Variants in ZMYM5 observed in about 807,000 individuals in gnomAD.
ZMYM5 encodes the protein zinc finger MYM-type containing 5.
In ZMYM5, 41 loss-of-function variants were observed where a neutral mutation model predicts 61.8. That is an observed-to-expected ratio of 0.66 (90% CI 0.52 to 0.86). The LOEUF is 0.86. ZMYM5 is among the 40% of genes least tolerant of loss of function. ZMYM5 has a pLI of 0.00. For synonymous variants in ZMYM5, 257 were observed against 276.4 expected, an observed-to-expected ratio of 0.93 and a Z score of 0.70; for missense variants, 706 against 786.7, an observed-to-expected ratio of 0.90 and a Z score of 1.23.
At chr13:19,855,444 A>C (rs1953466759) in intron 2 of ZMYM5, among the ~76,000 whole-genome samples, 1 of 151,530 alleles carries the variant, frequency 6.6e-6, no homozygotes, top group Admixed American at 6.6e-5. Flanking sequence ...TTGTATTTTT[A>C]GTAGAGACGG....
chr13:19,839,109 CCAAA>C (rs1181727709), intron 4 of ZMYM5, 124 bp from the exon 5 acceptor site: 12 of 1,128,324 alleles, frequency 1.1e-5, no homozygotes, highest in African/African-American at 3.1e-5. Context: ...GTGGTTAAGG[CCAAA>C]CACTCTTGAT....
chr13:19,836,876 T>C (rs1054789292), intron 6 of ZMYM5, among the ~76,000 whole-genome samples: 4 of 152,152 alleles, frequency 2.6e-5, no homozygotes, highest in African/African-American at 7.2e-5. Flanking sequence ...AATGGGAAGA[T>C]TGCAATATCA....
intron 5 of ZMYM5, 79 bp downstream of exon 5, chr13:19,838,621 A>G: frequency 6.6e-7 from 1 of 1,511,872 alleles, no homozygotes; most frequent in Non-Finnish European, 9.0e-7. Flanking sequence ...AAATCTATCC[A>G]GCTCTGCAGT....
intron 7 of ZMYM5, among the ~76,000 whole-genome samples, chr13:19,834,988 T>C (rs897371889): frequency 6.8e-5 from 7 of 103,692 alleles, no homozygotes; most frequent in African/African-American, 1.7e-4. Flanking sequence ...CCTGATCATT[T>C]TCTTTCTTTT....
intron 6 of ZMYM5, 70 bp from the exon 7 acceptor site, chr13:19,835,759 C>A: frequency 8.9e-7 from 1 of 1,127,946 alleles, no homozygotes; most frequent in East Asian, 4.9e-5. Flanking sequence ...AATGAGATAA[C>A]TAGTTTCTGC....
chr13:19,836,855 C>T (rs1698956730), intron 6 of ZMYM5, among the ~76,000 whole-genome samples: 1 of 152,134 alleles, frequency 6.6e-6, no homozygotes. Context: ...CATGTTTCTT[C>T]TCTTCTAGGA....
At position 19,835,567 on chromosome 13, in the gene ZMYM5, C is replaced by A. The variant is rs765351405; in HGVS notation, c.1161G>T (p.Met387Ile). 7.3e-7 allele frequency: 1 copy of A among 1,367,676 alleles called. No homozygotes were observed. 84.7% of individuals were successfully genotyped at this position (1,367,676 alleles called of 1,614,324 possible). A position where few individuals can be genotyped will look rare whatever the true frequency, so the allele number is the denominator to read the frequency against. Residue 387 changes from methionine to isoleucine, a missense_variant, in exon 7 of 8, where the codon ATG becomes ATT. Met to Ile is a conservative substitution (Grantham distance 10). Coordinates refer to ENST00000337963, the MANE Select transcript of ZMYM5 (RefSeq NM_001142684.2). ...MNCCEHCGEY[M>I]PSKSTGNNIL... ...TGTTGTTTCCAGTACTCTTACTAGG[C>A]ATGTACTCTCCACAGTGTTCACAGC... is the stretch of plus-strand genomic sequence containing the variant.
intron 2 of ZMYM5, among the ~76,000 whole-genome samples, chr13:19,852,479 T>TA (rs1953351045): frequency 6.6e-6 from 1 of 152,166 alleles, no homozygotes; most frequent in Non-Finnish European, 1.5e-5. Context: ...AGTAACAAAA[T>TA]AATTAAATTA....
In ZMYM5 at chr13:19,853,629, G is replaced by C. The variant is rs995423543; in HGVS notation, c.-10-1439C>G. On this transcript the variant is annotated intron_variant, in intron 2 of 7. Transcript: ENST00000337963. The stretch of plus-strand genomic sequence containing the variant: ...TTTTTTTTCTTTCTTTTTTTTTTTT[G>C]TCCTGTCTCACTCTGTCACTCAGGT... 4.0e-5 allele frequency among the ~76,000 whole-genome samples: 4 copies of C among 99,708 alleles called. No homozygotes were observed. The South Asian group carries it at 1.2e-3, about 30-fold the overall frequency. The allele number at this position is 99,708 out of a possible 152,430, so 65.4% of individuals were successfully genotyped here. A position where few individuals can be genotyped will look rare whatever the true frequency, so the allele number is the denominator to read the frequency against.
chr13:19,860,796 A>G (rs1419513016), intron 2 of ZMYM5, among the ~76,000 whole-genome samples: 1 of 151,924 alleles, frequency 6.6e-6, no homozygotes, highest in African/African-American at 2.4e-5. Context: ...AAAAAGGAAA[A>G]ATTCAGCAAT....
chr13:19,831,864 T>C (rs1210716395), intron 7 of ZMYM5, among the ~76,000 whole-genome samples: 1 of 150,432 alleles, frequency 6.6e-6, no homozygotes, highest in Non-Finnish European at 1.5e-5. Context: ...ATATTTCTTC[T>C]TTTGTTTTTG....
chr13:19,825,550 G>C (rs1318228773), intron 7 of ZMYM5, among the ~76,000 whole-genome samples: 1 of 152,196 alleles, frequency 6.6e-6, no homozygotes, highest in East Asian at 1.9e-4. Context: ...TGGAGGCTGA[G>C]GCAGGAGAAT....
intron 6 of ZMYM5, among the ~76,000 whole-genome samples, chr13:19,836,689 T>C (rs1373181191): frequency 6.6e-6 from 1 of 152,188 alleles, no homozygotes; most frequent in East Asian, 1.9e-4. Flanking sequence ...GAATCAATAT[T>C]ATCTGTATTC....
intron 2 of ZMYM5, among the ~76,000 whole-genome samples, chr13:19,858,889 T>G (rs1347483556): frequency 6.6e-6 from 1 of 152,180 alleles, no homozygotes; most frequent in Non-Finnish European, 1.5e-5. Flanking sequence ...GGTTGAGAGA[T>G]ATCTTCCCTC....
intron 7 of ZMYM5, among the ~76,000 whole-genome samples, chr13:19,832,161 T>A (rs1891259710): frequency 6.6e-6 from 1 of 151,960 alleles, no homozygotes; most frequent in Non-Finnish European, 1.5e-5. Flanking sequence ...CCTGGCTTAT[T>A]TCTTCATTTT....
intron 2 of ZMYM5, among the ~76,000 whole-genome samples, chr13:19,853,612 CTTTCT>C (rs1953394615): frequency 6.7e-6 from 1 of 149,092 alleles, no homozygotes; most frequent in Non-Finnish European, 1.5e-5. Context: ...TTTTTTTTTT[CTTTCT>C]TTTTTTTTTT....
chr13:19,843,899 C>T (rs898785395), intron 4 of ZMYM5, among the ~76,000 whole-genome samples: 1 of 150,890 alleles, frequency 6.6e-6, no homozygotes, highest in Non-Finnish European at 1.5e-5. Flanking sequence ...CTTTGGGAGG[C>T]TGAGGCAGGT....
intron 4 of ZMYM5, chr13:19,843,418 GT>G (rs1371775034): frequency 1.4e-5 from 2 of 139,112 alleles, no homozygotes; most frequent in African/African-American, 5.3e-5. Flanking sequence ...AAGGCTTCTA[GT>G]TTCCATGAAA....
chr13:19,830,773 G>A (rs982591895), intron 7 of ZMYM5, among the ~76,000 whole-genome samples: 2 of 151,342 alleles, frequency 1.3e-5, no homozygotes, highest in Non-Finnish European at 1.5e-5. Context: ...CGATCCACTC[G>A]CCTCAGCCTC....
Sources: allele counts gnomAD v4.1 joint callset (sites outside exome capture counted in the v4.1 genomes callset), GRCh38; gene constraint gnomAD v4.1.1; transcripts MANE v1.5; gene names NCBI Gene and HGNC (gene_info 2026-07-23, HGNC 2026-07-21).